The following SAMD12 variants were observed in gnomAD, a reference collection of about 807,000 sequenced individuals.
SAMD12 encodes the protein sterile alpha motif domain containing 12, also known as sterile alpha motif domain-containing protein 12.
In SAMD12, 9 loss-of-function variants were observed where a neutral mutation model predicts 15.0. The ratio of observed to expected loss-of-function variants is 0.60; its 90% confidence interval spans 0.36 to 1.05. The LOEUF (loss-of-function observed/expected upper bound fraction) is 1.05. Among genes scored for constraint, SAMD12 ranks in the 50% least tolerant of loss-of-function variants. The pLI is 0.01. For synonymous variants in SAMD12, 86 were observed against 90.1 expected, an observed-to-expected ratio of 0.96 and a Z score of 0.25; for missense variants, 230 against 234.2, an observed-to-expected ratio of 0.98 and a Z score of 0.12.
intron 2 of SAMD12, among the ~76,000 whole-genome samples, chr8:118,540,221 C>T (rs1276673999): frequency 6.6e-6 from 1 of 152,196 alleles, no homozygotes; most frequent in Non-Finnish European, 1.5e-5. Flanking sequence ...CTCTCATCAT[C>T]CTAAGGTGAC....
At chr8:118,175,340 C>G in the SAMD12 span, among the ~76,000 whole-genome samples, 2 of 152,138 alleles carry the variant, frequency 1.3e-5, no homozygotes, top group Non-Finnish European at 2.9e-5. Flanking sequence ...ATATGAAAAT[C>G]AACTCAAGAT....
chr8:118,175,095 A>G, the SAMD12 span, among the ~76,000 whole-genome samples: 1 of 152,164 alleles, frequency 6.6e-6, no homozygotes. Context: ...CCTGACTTCA[A>G]ACTATACTAC....
intron 2 of SAMD12, among the ~76,000 whole-genome samples, chr8:118,506,439 G>GTC (rs1297298216): frequency 6.6e-6 from 1 of 152,136 alleles, no homozygotes; most frequent in Non-Finnish European, 1.5e-5. Context: ...CCTTCTGACA[G>GTC]TCTCTGTCTT....
chr8:118,592,613 T>C lies in SAMD12; in HGVS notation c.14-11720A>G, dbSNP rs571937801. Among the ~76,000 whole-genome samples the C allele has an allele frequency of 5.3e-4, 80 of 152,350 alleles. 2 individuals are homozygous for C. The highest frequency in any genetic ancestry group is 1.7e-3 in the African/African-American group (69 of 41,582). On this transcript the variant is annotated intron_variant, in intron 1 of 3. Coordinates refer to ENST00000314727, the MANE Select transcript of SAMD12 (RefSeq NM_207506.3). Reference sequence around the variant, plus strand: ...TACATAGAAAGTGGTACATAGAAAGTGCTCAGCAAACAGTAACCACTGCTG... The same window carrying C: ...TACATAGAAAGTGGTACATAGAAAGCGCTCAGCAAACAGTAACCACTGCTG...
At position 118,535,571 on chromosome 8, in the gene SAMD12, C is replaced by G. The variant is rs192159191; in HGVS notation, c.192+45144G>C. On this transcript the variant is annotated intron_variant, in intron 2 of 3. Transcript: ENST00000314727. Reference sequence around the variant, plus strand: ...GTGGAGTCTACAGAGGCAGGCAGACCTCCTTGAGCTGTGGTGGGTTCCACC... The same window carrying G: ...GTGGAGTCTACAGAGGCAGGCAGACGTCCTTGAGCTGTGGTGGGTTCCACC... 5.7e-3 allele frequency among the ~76,000 whole-genome samples: 874 copies of G among 152,340 alleles called. 9 individuals are homozygous for G. Among genetic ancestry groups the G allele is most frequent in the African/African-American group, 0.02 (837 of 41,578 alleles).
At chr8:118,142,266 C>T in the SAMD12 span, among the ~76,000 whole-genome samples, 1 of 152,168 alleles carries the variant, frequency 6.6e-6, no homozygotes, top group Non-Finnish European at 1.5e-5. Flanking sequence ...TGACATTAAC[C>T]TTTTAAGAAT....
intron 3 of SAMD12, among the ~76,000 whole-genome samples, chr8:118,386,674 A>G (rs1341259943): frequency 6.6e-6 from 1 of 152,238 alleles, no homozygotes; most frequent in Non-Finnish European, 1.5e-5. Context: ...AAGATGAGGT[A>G]GAGACTTAGG....
chr8:118,544,988 G>A (rs1353878707), intron 2 of SAMD12, among the ~76,000 whole-genome samples: 1 of 152,174 alleles, frequency 6.6e-6, no homozygotes, highest in Non-Finnish European at 1.5e-5. Flanking sequence ...TGAGATCACT[G>A]GTTTTCAAAT....
chr8:118,305,942 G>A (rs1815327435), intron 4 of SAMD12, among the ~76,000 whole-genome samples: 1 of 152,058 alleles, frequency 6.6e-6, no homozygotes, highest in South Asian at 2.1e-4. Context: ...TGGCGTCTTT[G>A]GCAGTGGCTG....
At chr8:118,557,946 A>ATAAC (rs1348352725) in intron 2 of SAMD12, among the ~76,000 whole-genome samples, 2 of 152,186 alleles carry the variant, frequency 1.3e-5, no homozygotes, top group Non-Finnish European at 2.9e-5. Flanking sequence ...TTTGAGTCAG[A>ATAAC]TAACTCTAGT....
At chr8:118,484,567 A>C (rs189868664) in intron 2 of SAMD12, among the ~76,000 whole-genome samples, 53 of 152,332 alleles carry the variant, frequency 3.5e-4, no homozygotes, top group Admixed American at 6.5e-4. Flanking sequence ...CAAGTTGTAC[A>C]CATTAAACAT....
At chr8:118,550,082 G>A (rs957964323) in intron 2 of SAMD12, among the ~76,000 whole-genome samples, 9 of 152,174 alleles carry the variant, frequency 5.9e-5, no homozygotes, top group African/African-American at 2.2e-4. Flanking sequence ...AGGGAGAATG[G>A]AACCAAGCTG....
the SAMD12 span, among the ~76,000 whole-genome samples, chr8:118,142,322 C>A: frequency 6.6e-6 from 1 of 152,178 alleles, no homozygotes; most frequent in African/African-American, 2.4e-5. Context: ...TTTACCTCTA[C>A]GAAAAGTCTA....
intron 1 of SAMD12, among the ~76,000 whole-genome samples, chr8:118,606,658 T>C (rs1320836099): frequency 6.6e-6 from 1 of 151,800 alleles, no homozygotes; most frequent in African/African-American, 2.4e-5. Context: ...TAAGGCAGCA[T>C]AGTGGTACTT....
At chr8:118,268,622 C>A (rs1279090392) in intron 4 of SAMD12, among the ~76,000 whole-genome samples, 1 of 152,016 alleles carries the variant, frequency 6.6e-6, no homozygotes, top group Non-Finnish European at 1.5e-5. Flanking sequence ...CAAGACCAGC[C>A]TGGCCAACAT....
intron 3 of SAMD12, among the ~76,000 whole-genome samples, chr8:118,402,785 G>A (rs1226165858): frequency 1.3e-5 from 2 of 152,176 alleles, no homozygotes; most frequent in Non-Finnish European, 2.9e-5. Flanking sequence ...AATCAGAGCA[G>A]AATTACCCCA....
At chr8:118,478,553 A>G (rs1824030452) in intron 2 of SAMD12, among the ~76,000 whole-genome samples, 1 of 152,242 alleles carries the variant, frequency 6.6e-6, no homozygotes, top group African/African-American at 2.4e-5. Flanking sequence ...CATCATGACA[A>G]CTCATAATTG....
At chr8:118,608,360 C>G (rs1187216908) in intron 1 of SAMD12, among the ~76,000 whole-genome samples, 4 of 151,950 alleles carry the variant, frequency 2.6e-5, no homozygotes. Flanking sequence ...TTGTCTCCCT[C>G]AGTTTCCTAG....
At chr8:118,246,358 G>A (rs935443127) in intron 4 of SAMD12, among the ~76,000 whole-genome samples, 2 of 152,088 alleles carry the variant, frequency 1.3e-5, no homozygotes, top group Admixed American at 6.6e-5. Context: ...GCTTTTGTCT[G>A]CTTGTAAAAG....
Sources: gnomAD v4.1 joint callset for allele counts (sites outside exome capture counted in the v4.1 genomes callset) on GRCh38, gnomAD v4.1.1 for gene constraint, MANE v1.5 for transcripts, NCBI Gene and HGNC (gene_info 2026-07-23, HGNC 2026-07-21) for gene names.